Variants in SOS1 observed in about 807,000 individuals in gnomAD.
The protein encoded by SOS1 is SOS Ras/Rac guanine nucleotide exchange factor 1.
Under a neutral mutation model 157.6 loss-of-function variants are expected in SOS1, and 25 were observed. The ratio of observed to expected loss-of-function variants is 0.16; its 90% CI spans 0.12 to 0.22. The LOEUF (loss-of-function observed/expected upper bound fraction) is 0.22. SOS1 is among the 10% of genes least tolerant of loss of function. SOS1 has a pLI of 1.00. For missense variants in SOS1, 1,237 were observed against 1,599.1 expected (o/e 0.77, Z 3.86); for synonymous variants, 528 against 534.0 (o/e 0.99, Z 0.16).
intron 1 of SOS1, among the ~76,000 whole-genome samples, chr2:39,117,258 G>C (rs1319755159): frequency 6.6e-6 from 1 of 152,080 alleles, no homozygotes. Flanking sequence ...TTGAATTCCT[G>C]ACCTCGTGAT....
At chr2:38,997,182 A>G in intron 18 of SOS1, 71 bp downstream of exon 18, 2 of 1,310,864 alleles carry the variant, frequency 1.5e-6, no homozygotes, top group Non-Finnish European at 2.2e-6. Context: ...CCCCTATAAA[A>G]TAAACCTGCC....
intron 7 of SOS1, 22 bp downstream of exon 7, chr2:39,035,368 C>A: frequency 3.1e-6 from 5 of 1,601,700 alleles, no homozygotes; most frequent in Non-Finnish European, 4.3e-6. Flanking sequence ...CATTGTACAT[C>A]TTCATTTAAA....
chr2:39,038,743 A>AAAAAAAAAAAAAAAAC, intron 6 of SOS1, among the ~76,000 whole-genome samples: 1 of 146,452 alleles, frequency 6.8e-6, no homozygotes, highest in Non-Finnish European at 1.5e-5. Context: ...AAAAAAAAAA[A>AAAAAAAAAAAAAAAAC]AAAAAGTCGT....
intron 1 of SOS1, among the ~76,000 whole-genome samples, chr2:39,093,966 A>C (rs1672681054): frequency 1.3e-5 from 2 of 152,336 alleles, no homozygotes; most frequent in East Asian, 3.9e-4. Flanking sequence ...AAGCTGTTAC[A>C]TACCTTAACT....
At chr2:39,018,034 T>C (rs2124526484) in intron 10 of SOS1, among the ~76,000 whole-genome samples, 1 of 152,098 alleles carries the variant, frequency 6.6e-6, no homozygotes, top group East Asian at 1.9e-4. Context: ...AGTTTTATAC[T>C]GCCGTTGTTA....
intron 1 of SOS1, 152 bp from the exon 2 acceptor site, chr2:39,067,905 G>A (rs1184342757): frequency 1.4e-6 from 1 of 692,098 alleles, no homozygotes; most frequent in Non-Finnish European, 2.6e-6. Context: ...GATCACCTGA[G>A]GTCAGGAGTT....
chr2:38,997,450 C>G, intron 17 of SOS1, 25 bp from the exon 18 acceptor site: 1 of 1,545,052 alleles, frequency 6.5e-7, no homozygotes, highest in South Asian at 1.1e-5. Flanking sequence ...GGAATGATTT[C>G]AAGGATAAAG....
At chr2:39,036,813 G>A (rs1333267287) in intron 6 of SOS1, among the ~76,000 whole-genome samples, 1 of 151,838 alleles carries the variant, frequency 6.6e-6, no homozygotes, top group East Asian at 1.9e-4. Flanking sequence ...CTGACCTCGT[G>A]ATCCGCCCGC....
intron 10 of SOS1, among the ~76,000 whole-genome samples, chr2:39,016,284 C>G (rs1669627170): frequency 6.6e-6 from 1 of 152,006 alleles, no homozygotes; most frequent in Non-Finnish European, 1.5e-5. Context: ...TTTTAAATGT[C>G]CCCTTCTCCG....
At chr2:39,119,566 G>C (rs778667045) in intron 1 of SOS1, among the ~76,000 whole-genome samples, 1 of 152,182 alleles carries the variant, frequency 6.6e-6, no homozygotes, top group Non-Finnish European at 1.5e-5. Context: ...AACAAAAATA[G>C]TCTGGTTGTC....
intron 1 of SOS1, among the ~76,000 whole-genome samples, chr2:39,116,830 A>G (rs1673667747): frequency 1.3e-5 from 2 of 152,156 alleles, no homozygotes; most frequent in Non-Finnish European, 2.9e-5. Flanking sequence ...CAGCCTGTTA[A>G]GACTCTGTCT....
At chr2:39,111,164 C>G (rs535085467) in intron 1 of SOS1, among the ~76,000 whole-genome samples, 1 of 152,002 alleles carries the variant, frequency 6.6e-6, no homozygotes, top group African/African-American at 2.4e-5. Context: ...ACCCAGGAGG[C>G]GGAGGTTACA....
chr2:38,999,458 T>C (rs1669017271), intron 17 of SOS1, among the ~76,000 whole-genome samples: 1 of 152,224 alleles, frequency 6.6e-6, no homozygotes, highest in Admixed American at 6.5e-5. Context: ...AATAATGAAA[T>C]CTGACATCAA....
In SOS1 at chr2:39,020,090, G is replaced by T. The variant is rs1023915057; in HGVS notation, c.1858+2480C>A. Among the ~76,000 whole-genome samples the T allele has an allele frequency of 1.3e-5, 2 of 151,530 alleles. 1 individual carries two copies. Among genetic ancestry groups the T allele is most frequent in the African/African-American group, 4.8e-5 (2 of 41,352 alleles). On this transcript the variant is annotated intron_variant, in intron 10 of 22. Transcript: ENST00000402219. ...GAAAATATACTCTATTTAGAGTCAA[G>T]AAACCTAATTCTTGACTTGTTCTGG... is the stretch of plus-strand genomic sequence containing the variant.
chr2:39,120,282 A>G lies in SOS1; in HGVS notation c.87+54T>C. On this transcript the variant is annotated intron_variant, in intron 1 of 22. Coordinates refer to ENST00000402219, the MANE Select transcript of SOS1 (RefSeq NM_005633.4). ...CGCCCCGCCTCCCCAGCCCTTCCCC[A>G]GCGCCCGCGCTGGGGGGCTGCGGCC... 5 of 1,491,662 alleles carry G rather than the reference A, an allele frequency of 3.4e-6. No homozygotes were observed. The South Asian group carries it at 6.1e-5, about 18-fold the overall frequency. 92.4% of individuals were successfully genotyped at this position (1,491,662 alleles called of 1,614,324 possible). A position where few individuals can be genotyped will look rare whatever the true frequency, so the allele number is the denominator to read the frequency against.
At chr2:39,036,755 T>C (rs1670367401) in intron 6 of SOS1, among the ~76,000 whole-genome samples, 1 of 151,900 alleles carries the variant, frequency 6.6e-6, no homozygotes, top group Admixed American at 6.6e-5. Flanking sequence ...TTTTGTATTT[T>C]TAGTAGAGAC....
intron 1 of SOS1, among the ~76,000 whole-genome samples, chr2:39,111,954 T>G (rs1673452811): frequency 6.6e-6 from 1 of 152,072 alleles, no homozygotes; most frequent in South Asian, 2.1e-4. Flanking sequence ...GGTCTTGAAC[T>G]CCTGAGCTCA....
rs189424780 is a variant in SOS1 at position 39,030,606 on chromosome 2, G to A, written c.1074+4606C>T. On this transcript the variant is annotated intron_variant, in intron 8 of 22. Transcript: ENST00000402219. The stretch of plus-strand genomic sequence containing the variant: ...ATGGGGGTGTTAGGGGGAAGCCAGC[G>A]TATAAAGCCAATGTAGCCAGTGTAT... 5.8e-4 allele frequency among the ~76,000 whole-genome samples: 89 copies of A among 152,140 alleles called. 1 individual carries two copies. In the East Asian group the frequency reaches 6.8e-3, roughly 12 times the overall value.
intron 3 of SOS1, 132 bp from the exon 4 acceptor site, chr2:39,056,998 T>A: frequency 2.9e-6 from 2 of 697,636 alleles, no homozygotes; most frequent in Non-Finnish European, 5.0e-6. Flanking sequence ...CAACAACATT[T>A]AATTGTAAGT....
Sources: gnomAD v4.1 joint callset for allele counts (sites outside exome capture counted in the v4.1 genomes callset) on GRCh38, gnomAD v4.1.1 for gene constraint, MANE v1.5 for transcripts, NCBI Gene and HGNC (gene_info 2026-07-23, HGNC 2026-07-21) for gene names.